Variants in PRR14L observed in about 807,000 individuals in gnomAD.
PRR14L encodes the protein proline rich 14 like, also known as protein PRR14L.
PRR14L carries 80 observed loss-of-function variants against 155.0 expected under a neutral mutation model. The observed-to-expected ratio is 0.52, with a 90% CI of 0.43 to 0.62. The LOEUF is 0.62. Ranked by LOEUF, PRR14L falls within the 20% of genes least tolerant of loss-of-function variation. The pLI, the probability that PRR14L is intolerant of heterozygous loss-of-function variation, is 0.00. For synonymous variants in PRR14L, 883 were observed against 916.0 expected, an observed-to-expected ratio of 0.96 and a Z score of 0.65; for missense variants, 2,469 against 2,548.0, an observed-to-expected ratio of 0.97 and a Z score of 0.67.
chr22:31,688,305 C>A, intron 7 of PRR14L, 78 bp from the exon 8 acceptor site: 1 of 1,430,662 alleles, frequency 7.0e-7, no homozygotes, highest in African/African-American at 1.5e-5. Flanking sequence ...CTCTGTTGCC[C>A]AGGCTGAAGG....
intron 3 of PRR14L, among the ~76,000 whole-genome samples, chr22:31,719,273 C>A (rs181277107): frequency 1.3e-4 from 20 of 151,278 alleles, no homozygotes; most frequent in Middle Eastern, 3.5e-3. Flanking sequence ...ATCAGCTGAG[C>A]ATGGTGGTGT....
At position 31,712,627 on chromosome 22, in the gene PRR14L, A is replaced by G. The variant is rs1277224852; in HGVS notation, c.5212T>C (p.Phe1738Leu). 4.5e-6 allele frequency: 7 copies of G among 1,551,620 alleles called. No individual in the cohort carries two copies. The highest frequency in any genetic ancestry group is 6.1e-6 in the Non-Finnish European group (7 of 1,147,002). Residue 1738 changes from phenylalanine (F) to leucine (L), a missense_variant, in exon 4 of 9, where the codon TTT (phenylalanine) becomes CTT (leucine). Physicochemically the swap from Phe to Leu is conservative, Grantham distance 22 (BLOSUM62 0). Transcript: ENST00000327423. Reference protein sequence around the residue: ...SDCTTESSRTFPEHCAPARLA... With the variant: ...SDCTTESSRTLPEHCAPARLA... Reference sequence around the variant, plus strand: ...CTTGCCGGAGCACAGTGCTCAGGAAAAGTCCTTGAGGACTCAGTCGTGCAA... The same window carrying G: ...CTTGCCGGAGCACAGTGCTCAGGAAGAGTCCTTGAGGACTCAGTCGTGCAA...
intron 1 of PRR14L, among the ~76,000 whole-genome samples, chr22:31,742,028 C>A (rs1198436608): frequency 6.6e-6 from 1 of 152,044 alleles, no homozygotes; most frequent in African/African-American, 2.4e-5. Flanking sequence ...GTAGAGATAA[C>A]GTGGAGTTGC....
chr22:31,716,985 C>G lies in PRR14L; in HGVS notation c.854G>C (p.Gly285Ala). Residue 285 changes from glycine to alanine, a missense_variant, in exon 4 of 9, where the codon GGA becomes GCA. Coordinates refer to ENST00000327423, the MANE Select transcript of PRR14L (RefSeq NM_173566.3). ...LKSCPWLSLP[G>A]NSAISNVDNG... ...GTCCACATTAGAAATGGCACTGTTT[C>G]CTGGTAATGACAACCAAGGACAACT... The G allele has an allele frequency of 6.4e-7, 1 of 1,551,804 alleles. No individual in the cohort carries two copies. The highest frequency in any genetic ancestry group is 8.7e-7 in the Non-Finnish European group (1 of 1,146,984).
rs115269892 is a variant in PRR14L at position 31,685,181 on chromosome 22, T to A, written c.*346A>T. 2,314 of 209,236 alleles carry A rather than the reference T, an allele frequency of 0.011. 58 individuals carry two copies. The highest frequency in any genetic ancestry group is 0.051 in the African/African-American group (2,222 of 43,356). The allele number at this position is 209,236 out of a possible 1,614,324, so 13.0% of individuals were successfully genotyped here. A position where few individuals can be genotyped will look rare whatever the true frequency, so the allele number is the denominator to read the frequency against. ...TTCATATGGACGTGCAAATCCTGTG[T>A]GTCCTTGGAATCCTAGTGTTACTGA... On this transcript the variant is annotated 3_prime_UTR_variant, in exon 9 of 9. Transcript: ENST00000327423.
intron 7 of PRR14L, among the ~76,000 whole-genome samples, chr22:31,698,110 C>T (rs1248994209): frequency 1.3e-5 from 2 of 151,482 alleles, no homozygotes; most frequent in African/African-American, 4.8e-5. Context: ...CTGCAACCTC[C>T]ACCTCCCGGG....
In PRR14L at chr22:31,685,493, C is replaced by T; in HGVS notation, c.*34G>A. ...CCAAAAACAAAACAAAACAAAAAAA[C>T]CCTAAAATTGAGACCCTCAAACTGA... On this transcript the variant is annotated 3_prime_UTR_variant, in exon 9 of 9. Coordinates refer to ENST00000327423, the MANE Select transcript of PRR14L (RefSeq NM_173566.3). 1 of 1,449,942 alleles carries T rather than the reference C, an allele frequency of 6.9e-7. No individual in the cohort carries two copies. Among genetic ancestry groups the T allele is most frequent in the South Asian group, 1.4e-5 (1 of 71,360 alleles). 89.8% of individuals were successfully genotyped at this position (1,449,942 alleles called of 1,614,324 possible).
chr22:31,699,329 C>T (rs1170241597), intron 7 of PRR14L, among the ~76,000 whole-genome samples: 2 of 152,208 alleles, frequency 1.3e-5, no homozygotes, highest in Non-Finnish European at 2.9e-5. Context: ...TGAGCCACTG[C>T]TCCTGGCCTC....
chr22:31,702,234 A>G (rs1408391661), intron 6 of PRR14L, among the ~76,000 whole-genome samples: 1 of 151,738 alleles, frequency 6.6e-6, no homozygotes, highest in Non-Finnish European at 1.5e-5. Flanking sequence ...TTATTTATTT[A>G]TTTTTTTGAT....
At chr22:31,733,904 C>CCA (rs201258835) in intron 2 of PRR14L, among the ~76,000 whole-genome samples, 5,762 of 150,166 alleles carry the variant, frequency 0.038, 119 homozygotes, top group South Asian at 0.065. Flanking sequence ...ACCACCACCA[C>CCA]CACACACACA....
chr22:31,724,136 C>T (rs1343297423), intron 3 of PRR14L, among the ~76,000 whole-genome samples: 2 of 152,198 alleles, frequency 1.3e-5, no homozygotes, highest in African/African-American at 4.8e-5. Context: ...GTCACTGTCG[C>T]CCATCAACCC....
intron 2 of PRR14L, among the ~76,000 whole-genome samples, chr22:31,733,750 G>A (rs1357950528): frequency 6.6e-6 from 1 of 152,102 alleles, no homozygotes; most frequent in East Asian, 1.9e-4. Context: ...AGCCTTGCTT[G>A]AACCAGATAC....
chr22:31,716,716 C>T lies in PRR14L; in HGVS notation c.1123G>A (p.Glu375Lys), dbSNP rs1452219417. Residue 375 changes from glutamate (E) to lysine (K), a missense_variant, in exon 4 of 9, where the codon GAA (glutamate) becomes AAA (lysine). Transcript: ENST00000327423. ...EGGGLLKRSA[E>K]KTDSSYFYRG... is the part of the protein sequence containing the mutation. ...TAAAAATAAGAACTGTCTGTCTTTT[C>T]AGCAGATCTCTTTAGCAAACCACCA... The T allele has an allele frequency of 1.9e-6, 3 of 1,551,674 alleles. No homozygotes were observed. The highest frequency in any genetic ancestry group is 1.4e-5 in the African/African-American group (1 of 73,008).
chr22:31,686,324 G>A (rs1470768030), intron 8 of PRR14L, among the ~76,000 whole-genome samples: 1 of 149,744 alleles, frequency 6.7e-6, no homozygotes, highest in East Asian at 2.0e-4. Flanking sequence ...TAGCCAGGAT[G>A]GTCTTGATCT....
chr22:31,702,060 C>T (rs967867252), intron 6 of PRR14L, among the ~76,000 whole-genome samples: 2 of 152,010 alleles, frequency 1.3e-5, no homozygotes, highest in East Asian at 1.9e-4. Flanking sequence ...TCAGCCTCTG[C>T]GGTAGCTAGG....
chr22:31,745,965 CTG>C, intron 1 of PRR14L, among the ~76,000 whole-genome samples: 1 of 151,210 alleles, frequency 6.6e-6, no homozygotes, highest in Non-Finnish European at 1.5e-5. Context: ...GATAGGGTCT[CTG>C]TGGCCCAGGC....
chr22:31,682,339 TTGGGATTCACAGCA>T lies in PRR14L; in HGVS notation c.*3174_*3187del, dbSNP rs1234187763. 1 of 152,142 alleles carries T rather than the reference TTGGGATTCACAGCA, an allele frequency of 6.6e-6. No individual in the cohort carries two copies. Among genetic ancestry groups the T allele is most frequent in the Non-Finnish European group, 1.5e-5 (1 of 68,036 alleles). 9.4% of individuals were successfully genotyped at this position (152,142 alleles called of 1,614,324 possible). On this transcript the variant is annotated 3_prime_UTR_variant, in exon 9 of 9. Coordinates refer to ENST00000327423, the MANE Select transcript of PRR14L (RefSeq NM_173566.3). The stretch of plus-strand genomic sequence containing the variant: ...CACAGCTCTTGAGGAGCGCTGAGTT[TTGGGATTCACAGCA>T]TGGGTTTCTGGGCTCCTCAGGCTCC...
chr22:31,734,437 C>T (rs969225243), intron 2 of PRR14L, among the ~76,000 whole-genome samples: 4 of 152,178 alleles, frequency 2.6e-5, no homozygotes, highest in South Asian at 2.1e-4. Context: ...ATAGCAAGAG[C>T]TCTTATAAAT....
chr22:31,741,874 AAACAGTGCTG>A (rs1324577032), intron 1 of PRR14L, among the ~76,000 whole-genome samples: 14 of 152,224 alleles, frequency 9.2e-5, no homozygotes, highest in African/African-American at 3.4e-4. Context: ...TCCGTCTCAA[AAACAGTGCTG>A]AGAGAAATGT....
Sources: gnomAD v4.1 joint callset for allele counts (sites outside exome capture counted in the v4.1 genomes callset) on GRCh38, gnomAD v4.1.1 for gene constraint, MANE v1.5 for transcripts, NCBI Gene and HGNC (gene_info 2026-07-23, HGNC 2026-07-21) for gene names.